NRG3: variants seen among roughly 807,000 people sequenced by gnomAD.
NRG3 encodes the protein neuregulin 3.
A neutral mutation model predicts 66.9 loss-of-function variants in NRG3; 31 were observed. The ratio of observed to expected loss-of-function variants is 0.46; its 90% CI spans 0.35 to 0.63. The LOEUF (loss-of-function observed/expected upper bound fraction) is 0.63. NRG3 is among the 20% of genes least tolerant of loss of function. The pLI, the probability that NRG3 is intolerant of heterozygous loss-of-function variation, is 0.00. For missense variants in NRG3, 910 were observed against 878.9 expected, an observed-to-expected ratio of 1.04 and a Z score of -0.45; for synonymous variants, 393 against 359.4, an observed-to-expected ratio of 1.09 and a Z score of -1.06.
intron 1 of NRG3, chr10:82,166,759 T>A (rs1282115458): frequency 1.5e-6 from 1 of 675,542 alleles, no homozygotes; most frequent in Non-Finnish European, 2.7e-6. Context: ...ATTTTCCTTC[T>A]GCCTGGAGGA....
At chr10:82,510,304 TG>T (rs1466978196) in intron 2 of NRG3, among the ~76,000 whole-genome samples, 2 of 152,176 alleles carry the variant, frequency 1.3e-5, no homozygotes, top group African/African-American at 4.8e-5. Context: ...TAGGTCTCAA[TG>T]GGTATTTGTT....
chr10:82,580,014 T>C (rs922773038), intron 2 of NRG3, among the ~76,000 whole-genome samples: 9 of 151,960 alleles, frequency 5.9e-5, no homozygotes, highest in South Asian at 2.1e-4. Flanking sequence ...AAGTCACTTT[T>C]ATAAAATGGC....
chr10:82,006,661 T>A (rs1226610000), intron 1 of NRG3, among the ~76,000 whole-genome samples: 2 of 152,202 alleles, frequency 1.3e-5, no homozygotes, highest in African/African-American at 2.4e-5. Context: ...CTCTGTATGG[T>A]TAGCCGGTTA....
chr10:82,971,216 C>T (rs1331460503), intron 6 of NRG3, among the ~76,000 whole-genome samples: 2 of 152,240 alleles, frequency 1.3e-5, no homozygotes, highest in Admixed American at 6.5e-5. Context: ...TCCCACCAGG[C>T]CTCATCTCCA....
In NRG3 at chr10:82,730,075, CT is replaced by C. The variant is rs1338991326; in HGVS notation, c.954-8491del. On this transcript the variant is annotated intron_variant, in intron 2 of 8. Coordinates refer to ENST00000372141, the MANE Select transcript of NRG3 (RefSeq NM_001010848.4). ...AGGGAAAATCCCTACATTTTCTTTT[CT>C]TTTTTTTTTTCCTTTTTTTTTTTTT... Among the ~76,000 whole-genome samples, 394 of 137,824 alleles carry C rather than the reference CT, an allele frequency of 2.9e-3. 1 individual carries two copies. The highest frequency in any genetic ancestry group is 4.8e-3 in the Non-Finnish European group (302 of 63,066). 90.4% of individuals were successfully genotyped at this position (137,824 alleles called of 152,430 possible).
chr10:82,211,102 C>A (rs567561457), intron 1 of NRG3, among the ~76,000 whole-genome samples: 1 of 152,176 alleles, frequency 6.6e-6, no homozygotes, highest in Admixed American at 6.5e-5. Flanking sequence ...GATGGTCTTC[C>A]TTGTCTTTTC....
intron 1 of NRG3, among the ~76,000 whole-genome samples, chr10:82,075,906 A>C (rs562694230): frequency 2.0e-5 from 3 of 151,932 alleles, no homozygotes; most frequent in Non-Finnish European, 4.4e-5. Flanking sequence ...GGGAGAATGA[A>C]ATTTCTGAAA....
chr10:82,487,807 A>G (rs1200047179), intron 2 of NRG3, among the ~76,000 whole-genome samples: 1 of 152,228 alleles, frequency 6.6e-6, no homozygotes, highest in Non-Finnish European at 1.5e-5. Flanking sequence ...AAAATCTTGC[A>G]TATTGAATTT....
At chr10:82,014,449 C>T (rs978587342) in intron 1 of NRG3, among the ~76,000 whole-genome samples, 1 of 152,114 alleles carries the variant, frequency 6.6e-6, no homozygotes, top group Admixed American at 6.6e-5. Flanking sequence ...GTAAGTGCCT[C>T]GGCAATAAAA....
intron 2 of NRG3, among the ~76,000 whole-genome samples, chr10:82,453,913 T>C (rs113589586): frequency 1.3e-3 from 203 of 152,314 alleles, no homozygotes; most frequent in African/African-American, 4.7e-3. Flanking sequence ...CATTTTTACA[T>C]GTCACAGAAA....
At chr10:82,797,347 A>G (rs2060842328) in intron 3 of NRG3, among the ~76,000 whole-genome samples, 1 of 152,150 alleles carries the variant, frequency 6.6e-6, no homozygotes, top group Non-Finnish European at 1.5e-5. Flanking sequence ...AACTTTAAAT[A>G]TGGCTGCATT....
At chr10:82,417,956 A>G (rs2136209751) in intron 2 of NRG3, among the ~76,000 whole-genome samples, 1 of 152,344 alleles carries the variant, frequency 6.6e-6, no homozygotes, top group East Asian at 1.9e-4. Context: ...TCAGACTAGA[A>G]TAGTTAGTGT....
chr10:82,734,605 A>C (rs766808023), intron 2 of NRG3, among the ~76,000 whole-genome samples: 2 of 151,992 alleles, frequency 1.3e-5, no homozygotes, highest in African/African-American at 2.4e-5. Context: ...TTTTCTTACC[A>C]TCTCTTCCAC....
chr10:82,487,544 C>T (rs1211583047), intron 2 of NRG3, among the ~76,000 whole-genome samples: 2 of 152,148 alleles, frequency 1.3e-5, no homozygotes, highest in African/African-American at 2.4e-5. Flanking sequence ...CCAGGTTAAA[C>T]ATGTCATCAT....
chr10:82,787,109 C>T (rs2060401402), intron 3 of NRG3, among the ~76,000 whole-genome samples: 1 of 152,168 alleles, frequency 6.6e-6, no homozygotes, highest in Admixed American at 6.5e-5. Context: ...GCACACACAC[C>T]TATGACCTAT....
rs146700633 is a variant in NRG3 at position 82,139,863 on chromosome 10, A to C, written c.824-218876A>C. Among the ~76,000 whole-genome samples the C allele has an allele frequency of 1.2e-3, 183 of 152,106 alleles. 1 individual carries two copies. Among genetic ancestry groups the C allele is most frequent in the Non-Finnish European group, 2.0e-3 (138 of 68,010 alleles). ...TTAAGCTAACATTAAGGCAGTGTACAACTATCAGAACAATATTTCATATAT... is the reference window on the plus strand; with the variant it reads ...TTAAGCTAACATTAAGGCAGTGTACCACTATCAGAACAATATTTCATATAT... On this transcript the variant is annotated intron_variant, in intron 1 of 8. Transcript: ENST00000372141.
chr10:81,890,528 C>T (rs1842931479), intron 1 of NRG3, among the ~76,000 whole-genome samples: 1 of 152,186 alleles, frequency 6.6e-6, no homozygotes, highest in African/African-American at 2.4e-5. Context: ...GATGTTTGCA[C>T]TCTCTTGCTC....
At chr10:81,995,310 A>G (rs1313412569) in intron 1 of NRG3, among the ~76,000 whole-genome samples, 3 of 152,282 alleles carry the variant, frequency 2.0e-5, no homozygotes, top group Admixed American at 6.5e-5. Flanking sequence ...TTTTCCTACA[A>G]TTGTTTCAAA....
At chr10:82,640,346 G>T (rs1185587535) in intron 2 of NRG3, among the ~76,000 whole-genome samples, 1 of 152,184 alleles carries the variant, frequency 6.6e-6, no homozygotes, top group South Asian at 2.1e-4. Flanking sequence ...ATTTTATCCA[G>T]TTGATGATAC....
Sources: allele counts gnomAD v4.1 joint callset (sites outside exome capture counted in the v4.1 genomes callset), GRCh38; gene constraint gnomAD v4.1.1; transcripts MANE v1.5; gene names NCBI Gene and HGNC (gene_info 2026-07-23, HGNC 2026-07-21).